The following ZNF600 variants were observed in gnomAD, a reference collection of about 807,000 sequenced individuals.
ZNF600 encodes zinc finger protein KR-ZNF1.
Under a neutral mutation model 7.3 loss-of-function variants are expected in ZNF600, and 4 were observed. The ratio of observed to expected loss-of-function variants is 0.55; its 90% CI spans 0.27 to 1.25. The LOEUF (loss-of-function observed/expected upper bound fraction) is 1.25. ZNF600 is among the 50% of genes most tolerant of loss of function. ZNF600 has a pLI of 0.12. For missense variants in ZNF600, 911 were observed against 922.1 expected, an observed-to-expected ratio of 0.99 and a Z score of 0.16; for synonymous variants, 290 against 308.9, an observed-to-expected ratio of 0.94 and a Z score of 0.64.
At chr19:52,824,608 C>T in the ZNF600 span, among the ~76,000 whole-genome samples, 25 of 152,022 alleles carry the variant, frequency 1.6e-4, no homozygotes, top group Non-Finnish European at 1.9e-4. Context: ...GCACTCCAGC[C>T]TGGGTGACAT....
upstream of ZNF600, among the ~76,000 whole-genome samples, chr19:52,787,137 C>G (rs781080049): frequency 6.6e-6 from 1 of 152,232 alleles, no homozygotes; most frequent in Non-Finnish European, 1.5e-5. Flanking sequence ...GAGGGAGGGT[C>G]CACCCCGTGC....
At chr19:52,765,873 T>A in exon 4 of ZNF600, 1 of 1,614,052 alleles carries the variant, frequency 6.2e-7, no homozygotes, top group Non-Finnish European at 8.5e-7. Context: ...AATTCTATGA[T>A]GAAGTGAAAG....
chr19:52,799,883 A>G, the ZNF600 span: 1 of 1,613,212 alleles, frequency 6.2e-7, no homozygotes, highest in Non-Finnish European at 8.5e-7. Context: ...TATGAAGCCT[A>G]TGATGGTATA....
chr19:52,787,750 C>T (rs1157437683), upstream of ZNF600, among the ~76,000 whole-genome samples: 2 of 148,990 alleles, frequency 1.3e-5, no homozygotes, highest in Non-Finnish European at 3.0e-5. Flanking sequence ...ATCCCAGCTA[C>T]TAGGGAGGCT....
chr19:52,776,238 G>C (rs2062674228), intron 2 of ZNF600, among the ~76,000 whole-genome samples: 1 of 151,592 alleles, frequency 6.6e-6, no homozygotes, highest in African/African-American at 2.4e-5. Flanking sequence ...CCAGATGTCT[G>C]GGATTCACAT....
the ZNF600 span, among the ~76,000 whole-genome samples, chr19:52,818,336 G>A: frequency 2.6e-5 from 4 of 152,298 alleles, no homozygotes; most frequent in East Asian, 5.8e-4. Flanking sequence ...CAGCTACTTA[G>A]GAAGCTGAGG....
At chr19:52,813,824 T>C in the ZNF600 span, among the ~76,000 whole-genome samples, 5 of 146,532 alleles carry the variant, frequency 3.4e-5, no homozygotes, top group Admixed American at 3.4e-4. Flanking sequence ...TTTAGAGGTG[T>C]TTCTGTTTTT....
intron 1 of ZNF600, among the ~76,000 whole-genome samples, chr19:52,783,054 C>G (rs12977494): frequency 0.23 from 25,092 of 108,308 alleles, 4,981 homozygotes; most frequent in Non-Finnish European, 0.39. Flanking sequence ...CCTCACTCCC[C>G]ACCCCATCCA....
intron 1 of ZNF600, among the ~76,000 whole-genome samples, chr19:52,784,887 C>T (rs1011810185): frequency 6.6e-5 from 10 of 152,126 alleles, no homozygotes; most frequent in African/African-American, 2.4e-4. Context: ...CTATCACACC[C>T]GGTTAAATTT....
intron 1 of ZNF600, among the ~76,000 whole-genome samples, chr19:52,783,010 CAG>C (rs201762912): frequency 1.1e-5 from 1 of 93,438 alleles, no homozygotes; most frequent in African/African-American, 3.4e-5. Context: ...CATATAGTAA[CAG>C]AGACTCAGTC....
At chr19:52,818,435 G>C in the ZNF600 span, among the ~76,000 whole-genome samples, 1 of 152,182 alleles carries the variant, frequency 6.6e-6, no homozygotes, top group Non-Finnish European at 1.5e-5. Context: ...AAATTGGGCT[G>C]GGCTCAGTGG....
chr19:52,769,199 C>T (rs1871683779), intron 3 of ZNF600, among the ~76,000 whole-genome samples: 1 of 152,048 alleles, frequency 6.6e-6, no homozygotes, highest in Non-Finnish European at 1.5e-5. Flanking sequence ...TTAGAGAACA[C>T]TCTCCTCCAC....
chr19:52,805,670 A>C, the ZNF600 span: 1 of 151,384 alleles, frequency 6.6e-6, no homozygotes, highest in Non-Finnish European at 1.5e-5. Context: ...AAATAAATAA[A>C]GTTCTCCAGT....
At chr19:52,817,442 T>C in the ZNF600 span, among the ~76,000 whole-genome samples, 1 of 152,150 alleles carries the variant, frequency 6.6e-6, no homozygotes, top group Admixed American at 6.5e-5. Context: ...CCATTCTAAT[T>C]AGTAAGATTT....
the ZNF600 span, chr19:52,797,585 A>G: frequency 1.0e-4 from 16 of 152,644 alleles, no homozygotes; most frequent in South Asian, 4.1e-4. Flanking sequence ...ATTTTAAAAT[A>G]AAATTAAAAA....
At chr19:52,799,398 G>T in the ZNF600 span, 2 of 634,808 alleles carry the variant, frequency 3.2e-6, no homozygotes, top group South Asian at 2.0e-5. Context: ...TTCAAGGTTT[G>T]ATTTGCAACC....
chr19:52,826,584 T>TATAC, the ZNF600 span, among the ~76,000 whole-genome samples: 2 of 152,118 alleles, frequency 1.3e-5, no homozygotes, highest in Non-Finnish European at 2.9e-5. Context: ...TGCATGCCTG[T>TATAC]AGTCCCAGCT....
chr19:52,832,546 G>C, the ZNF600 span, among the ~76,000 whole-genome samples: 5,319 of 151,372 alleles, frequency 0.035, 126 homozygotes, highest in Non-Finnish European at 0.043. Context: ...AGTCAGCTGA[G>C]ATCCCATCAC....
chr19:52,785,284 G>A (rs2062754738), intron 1 of ZNF600, among the ~76,000 whole-genome samples: 1 of 146,028 alleles, frequency 6.8e-6, no homozygotes, highest in Admixed American at 6.9e-5. Flanking sequence ...TTTCACTCTT[G>A]TTGTGCAGGC....
Sources: gnomAD v4.1 joint callset for allele counts (sites outside exome capture counted in the v4.1 genomes callset) on GRCh38, gnomAD v4.1.1 for gene constraint, MANE v1.5 for transcripts, NCBI Gene and HGNC (gene_info 2026-07-23, HGNC 2026-07-21) for gene names.